The following MYT1L variants were observed in gnomAD, a reference collection of about 807,000 sequenced individuals.
The protein encoded by MYT1L is myelin transcription factor 1-like protein.
In MYT1L, 12 loss-of-function variants were observed where a neutral mutation model predicts 126.7. That is an observed-to-expected ratio of 0.09 (90% CI 0.06 to 0.15). The LOEUF (loss-of-function observed/expected upper bound fraction) is 0.15. Ranked by LOEUF, MYT1L falls within the 10% of genes least tolerant of loss-of-function variation. The pLI is 1.00. For missense variants in MYT1L, 979 were observed against 1,585.2 expected, an observed-to-expected ratio of 0.62 and a Z score of 6.49; for synonymous variants, 541 against 604.2, an observed-to-expected ratio of 0.90 and a Z score of 1.53.
rs1169486297 is a variant in MYT1L, at chr2:1,836,510, CCCAATATTCCATCAGCCTGCGCT to C, written c.3080+2616_3080+2638del. 1.8e-3 allele frequency among the ~76,000 whole-genome samples: 274 copies of C among 150,380 alleles called. 1 individual carries two copies. Among genetic ancestry groups the C allele is most frequent in the African/African-American group, 6.4e-3 (260 of 40,880 alleles). ...CACCCCAAAATTCCATCAGCCTGCA[CCCAATATTCCATCAGCCTGCGCT>C]CCAATATTCCATCAGCCTGTGCCCC... is the stretch of plus-strand genomic sequence containing the variant. On this transcript the variant is annotated intron_variant, in intron 21 of 24. Transcript: ENST00000647738.
chr2:1,925,669 C>G (rs1041583102), intron 9 of MYT1L, among the ~76,000 whole-genome samples: 1 of 152,124 alleles, frequency 6.6e-6, no homozygotes, highest in African/African-American at 2.4e-5. Context: ...CGTCTGGAGA[C>G]CGGCAGAACG....
At chr2:2,183,796 G>C (rs2091796987) in intron 2 of MYT1L, among the ~76,000 whole-genome samples, 1 of 136,750 alleles carries the variant, frequency 7.3e-6, no homozygotes, top group Admixed American at 7.8e-5. Context: ...GAGGAGGGAA[G>C]AAAAAAGGAA....
At chr2:2,199,563 G>A (rs1024018294) in intron 2 of MYT1L, among the ~76,000 whole-genome samples, 1 of 152,296 alleles carries the variant, frequency 6.6e-6, no homozygotes, top group African/African-American at 2.4e-5. Context: ...GCAGAACCCC[G>A]TCCTCGCATT....
chr2:2,221,763 A>C (rs2093880256), intron 2 of MYT1L, among the ~76,000 whole-genome samples: 1 of 152,250 alleles, frequency 6.6e-6, no homozygotes, highest in Non-Finnish European at 1.5e-5. Context: ...ACAACAAACC[A>C]ACCTAAAAGT....
At chr2:2,317,482 G>A (rs991237121) in intron 1 of MYT1L, among the ~76,000 whole-genome samples, 4 of 151,902 alleles carry the variant, frequency 2.6e-5, no homozygotes, top group African/African-American at 7.3e-5. Flanking sequence ...AGTCATCTCC[G>A]AATTCTCTAG....
intron 13 of MYT1L, among the ~76,000 whole-genome samples, chr2:1,907,382 G>A (rs2148992769): frequency 6.6e-6 from 1 of 152,310 alleles, no homozygotes; most frequent in Middle Eastern, 3.4e-3. Context: ...AAGGTGAGGA[G>A]GCAAAAAAGC....
chr2:2,232,156 A>G (rs554970380), intron 2 of MYT1L, among the ~76,000 whole-genome samples: 1 of 152,338 alleles, frequency 6.6e-6, no homozygotes, highest in African/African-American at 2.4e-5. Context: ...GAGTGAAGAA[A>G]GGATGCATTC....
Position 1,903,092 on chromosome 2 carries a change from C to T in MYT1L, c.2020G>A (p.Gly674Arg). 6.2e-7 allele frequency: 1 copy of T among 1,613,650 alleles called. No homozygotes were observed. The highest frequency in any genetic ancestry group is 8.5e-7 in the Non-Finnish European group (1 of 1,179,574). Reference sequence around the variant, plus strand: ...GTGCACCTCCTACCATCATCATATCCTTTGGGGGATATATCCCTGGTTTGC... The same window carrying T: ...GTGCACCTCCTACCATCATCATATCTTTTGGGGGATATATCCCTGGTTTGC... ...KVQTRDISPK[G>R]YDDAKRYCKD... is the part of the protein sequence containing the mutation. The change falls in exon 14 of 25, where the codon GGA (glycine) becomes AGA (arginine). Residue 674 changes from glycine (G) to arginine (R), a missense_variant. Gly to Arg is a moderately radical substitution (Grantham distance 125). Coordinates refer to ENST00000647738, the MANE Select transcript of MYT1L (RefSeq NM_001303052.2).
chr2:1,905,780 A>G (rs1389328648), intron 13 of MYT1L, among the ~76,000 whole-genome samples: 1 of 152,262 alleles, frequency 6.6e-6, no homozygotes, highest in Non-Finnish European at 1.5e-5. Flanking sequence ...TAATATCAGC[A>G]GGTACAAACG....
At chr2:2,112,371 C>G (rs2079570676) in intron 3 of MYT1L, among the ~76,000 whole-genome samples, 1 of 152,184 alleles carries the variant, frequency 6.6e-6, no homozygotes, top group Non-Finnish European at 1.5e-5. Context: ...ATTTACTGGT[C>G]AAAGGAAAGT....
intron 18 of MYT1L, among the ~76,000 whole-genome samples, chr2:1,857,316 A>G (rs771188381): frequency 2.0e-5 from 3 of 152,234 alleles, no homozygotes; most frequent in Admixed American, 1.3e-4. Context: ...AGTCTTCTAA[A>G]TGAAGGCTAA....
chr2:2,238,507 G>A (rs552136830), intron 2 of MYT1L, among the ~76,000 whole-genome samples: 14 of 152,278 alleles, frequency 9.2e-5, no homozygotes, highest in African/African-American at 2.9e-4. Flanking sequence ...GGAGATTGTC[G>A]TTCGTCACTT....
At chr2:2,212,332 G>T (rs1306630526) in intron 2 of MYT1L, among the ~76,000 whole-genome samples, 1 of 152,162 alleles carries the variant, frequency 6.6e-6, no homozygotes, top group Non-Finnish European at 1.5e-5. Flanking sequence ...GGAAGATTGG[G>T]TGGTGCCTAG....
intron 2 of MYT1L, among the ~76,000 whole-genome samples, chr2:2,206,619 T>A (rs2093332002): frequency 6.6e-6 from 1 of 152,206 alleles, no homozygotes; most frequent in South Asian, 2.1e-4. Flanking sequence ...TGGAAATGCA[T>A]AAGAGAAAAG....
chr2:2,060,953 T>C (rs2070382652), intron 3 of MYT1L, among the ~76,000 whole-genome samples: 1 of 151,908 alleles, frequency 6.6e-6, no homozygotes, highest in African/African-American at 2.4e-5. Flanking sequence ...TCTCCATATA[T>C]ATATTATAAA....
chr2:1,793,863 C>T lies in MYT1L; in HGVS notation c.3277-1399G>A, dbSNP rs758582506. On this transcript the variant is annotated intron_variant, in intron 23 of 24. Transcript: ENST00000647738. The surrounding 1 kb of genome is among the most constrained non-coding windows in gnomAD (Gnocchi z 4.6). ...CCCCTTGCAGGCTCAGGAGTGGATG[C>T]CTGCCCTCCCACGACTCCTGGGTGG... 6.6e-5 allele frequency among the ~76,000 whole-genome samples: 10 copies of T among 152,180 alleles called. No homozygotes were observed. The highest frequency in any genetic ancestry group is 1.3e-4 in the Non-Finnish European group (9 of 68,042).
At chr2:2,237,268 C>A (rs1299163965) in intron 2 of MYT1L, among the ~76,000 whole-genome samples, 1 of 152,150 alleles carries the variant, frequency 6.6e-6, no homozygotes, top group African/African-American at 2.4e-5. Context: ...ATTTCAACTA[C>A]CCACAACTAA....
At position 1,791,894 on chromosome 2, in the gene MYT1L, C is replaced by T. The variant is rs1350658403; in HGVS notation, c.3534G>A (p.Lys1178=). Residue 1178 remains lysine, a synonymous_variant, in exon 25 of 25, where the codon AAG becomes AAA. Coordinates refer to ENST00000647738, the MANE Select transcript of MYT1L (RefSeq NM_001303052.2). This position sits in a 1 kb window ranked among gnomAD's most constrained non-coding sequence, Gnocchi z 6.0. ...PENKALLENI[K]QAVRGIQV ...AGACCTGAATTCCTCTCACAGCCTG[C>T]TTTATATTTTCCAGTAGGGCTTTAT... The T allele has an allele frequency of 6.2e-7, 1 of 1,608,636 alleles. No homozygotes were observed. The highest frequency in any genetic ancestry group is 1.3e-5 in the African/African-American group (1 of 74,636).
chr2:1,970,811 C>G (rs2059759777), intron 8 of MYT1L, among the ~76,000 whole-genome samples: 1 of 152,162 alleles, frequency 6.6e-6, no homozygotes, highest in Admixed American at 6.5e-5. Context: ...CAAATTTCTT[C>G]TGTGTATTCT....
Sources: gnomAD v4.1 joint callset for allele counts (sites outside exome capture counted in the v4.1 genomes callset) on GRCh38, gnomAD v4.1.1 for gene constraint, Gnocchi (gnomAD v3.1) non-coding constraint, MANE v1.5 for transcripts, NCBI Gene and HGNC (gene_info 2026-07-23, HGNC 2026-07-21) for gene names.